Variants in B9D1 observed in about 807,000 individuals in gnomAD.
B9D1 encodes the protein B9 domain containing 1.
A neutral mutation model predicts 26.1 loss-of-function variants in B9D1; 20 were observed. That is an observed-to-expected ratio of 0.77 (90% CI 0.54 to 1.12). The LOEUF is 1.12. Ranked by LOEUF, B9D1 falls within the 50% of genes most tolerant of loss-of-function variation. B9D1 has a pLI of 0.00. For synonymous variants in B9D1, 105 were observed against 103.1 expected (o/e 1.02, Z -0.11); for missense variants, 260 against 273.7 (o/e 0.95, Z 0.35).
upstream of B9D1, chr17:19,362,767 A>C: frequency 2.8e-4 from 244 of 886,458 alleles, no homozygotes; most frequent in Non-Finnish European, 3.4e-4. Context: ...GCGGGGCACA[A>C]GGGGCGGGGA....
chr17:19,350,150 C>A (rs1909405979), intron 3 of B9D1, among the ~76,000 whole-genome samples: 1 of 151,992 alleles, frequency 6.6e-6, no homozygotes, highest in Admixed American at 6.6e-5. Flanking sequence ...GTGGCTCATG[C>A]CTGTAATCCC....
intron 1 of B9D1, among the ~76,000 whole-genome samples, chr17:19,374,045 G>A (rs1912004195): frequency 6.6e-6 from 1 of 152,232 alleles, no homozygotes; most frequent in South Asian, 2.1e-4. Context: ...AGCCAAGTGA[G>A]TGGAGTATCT....
At chr17:19,337,739 C>T, downstream of B9D1, 1 of 1,535,050 alleles carries the variant, frequency 6.5e-7, no homozygotes, top group Non-Finnish European at 8.7e-7. Context: ...ACAGACAGCC[C>T]TGAAGGTGGC....
intron 3 of B9D1, among the ~76,000 whole-genome samples, chr17:19,350,946 C>T (rs1305530098): frequency 6.6e-6 from 1 of 151,666 alleles, no homozygotes. Context: ...TCAAGCGATT[C>T]TCCTGCCTCA....
At chr17:19,341,947 C>T (rs1017990625), downstream of B9D1, among the ~76,000 whole-genome samples, 5 of 152,084 alleles carry the variant, frequency 3.3e-5, no homozygotes, top group African/African-American at 4.8e-5. Flanking sequence ...CACAGGGAAG[C>T]GCCACATGAG....
downstream of B9D1, chr17:19,335,263 T>A (rs1303169445): frequency 1.3e-6 from 1 of 763,836 alleles, no homozygotes; most frequent in East Asian, 2.8e-5. Flanking sequence ...ACTAAACTGA[T>A]TGACTTTCAG....
intron 1 of B9D1, among the ~76,000 whole-genome samples, chr17:19,376,355 G>A (rs958452831): frequency 2.0e-5 from 3 of 152,078 alleles, no homozygotes; most frequent in African/African-American, 7.2e-5. Flanking sequence ...TGGGAGGTGA[G>A]AGTTGGACAT....
intron 5 of B9D1, among the ~76,000 whole-genome samples, chr17:19,344,936 T>C (rs1908555281): frequency 6.6e-6 from 1 of 152,222 alleles, no homozygotes; most frequent in African/African-American, 2.4e-5. Context: ...GCGCCTCAGT[T>C]TCTCCTTTGG....
At chr17:19,350,602 TC>T (rs1222630947) in intron 3 of B9D1, among the ~76,000 whole-genome samples, 1 of 152,006 alleles carries the variant, frequency 6.6e-6, no homozygotes, top group East Asian at 1.9e-4. Context: ...ATGCCTGTAA[TC>T]CCAGCTACTT....
At chr17:19,356,156 A>C (rs1910323163) in intron 3 of B9D1, among the ~76,000 whole-genome samples, 1 of 151,924 alleles carries the variant, frequency 6.6e-6, no homozygotes, top group Non-Finnish European at 1.5e-5. Flanking sequence ...CAGTGGCATA[A>C]TCTCTGCTCA....
chr17:19,350,834 A>AT lies in B9D1; in HGVS notation c.245-2955dup, dbSNP rs904320690. Among the ~76,000 whole-genome samples the AT allele has an allele frequency of 3.3e-4, 48 of 144,022 alleles. No homozygotes were observed. The East Asian group carries it at 8.5e-3, about 26-fold the overall frequency. 94.5% of individuals were successfully genotyped at this position (144,022 alleles called of 152,430 possible). Reference sequence around the variant, plus strand: ...TTCTTCATTTATGGGGATGATCATGATTTTTTTTTTCTTTTTTTTTTTGAG... The same window carrying AT: ...TTCTTCATTTATGGGGATGATCATGATTTTTTTTTTTCTTTTTTTTTTTGAG... On this transcript the variant is annotated intron_variant, in intron 3 of 6. Transcript: ENST00000261499.
chr17:19,337,819 C>T (rs899908831), downstream of B9D1: 1 of 1,056,388 alleles, frequency 9.5e-7, no homozygotes. Context: ...GCCTCACTGC[C>T]ACTCACACCA....
At chr17:19,375,202 A>C (rs2152285978) in intron 1 of B9D1, among the ~76,000 whole-genome samples, 1 of 152,230 alleles carries the variant, frequency 6.6e-6, no homozygotes, top group South Asian at 2.1e-4. Flanking sequence ...AGGCAGGAGA[A>C]TCACTTGAGC....
At chr17:19,364,721 T>A (rs544983235), upstream of B9D1, 2 of 152,998 alleles carry the variant, frequency 1.3e-5, no homozygotes, top group Admixed American at 1.3e-4. This position sits in a 1 kb window ranked among gnomAD's most constrained non-coding sequence, Gnocchi z 4.3. Context: ...GTGCCAAGTC[T>A]CTCCACCCCC....
At chr17:19,362,763 C>A, upstream of B9D1, 45 of 1,315,536 alleles carry the variant, frequency 3.4e-5, no homozygotes, top group East Asian at 5.9e-5. Flanking sequence ...GGGGGCGGGG[C>A]ACAAGGGGCG....
At chr17:19,343,061 C>A, downstream of B9D1, 1 of 1,381,818 alleles carries the variant, frequency 7.2e-7, no homozygotes, top group South Asian at 1.6e-5. Flanking sequence ...GCTTCCACGG[C>A]ACAAGGGGTA....
chr17:19,355,026 C>T (rs6587067), intron 3 of B9D1, among the ~76,000 whole-genome samples: 146,088 of 152,158 alleles, frequency 0.96, 70,530 homozygotes, highest in African/African-American at 0.99. Context: ...TTGTCCTCTC[C>T]CCCTCCTTCC....
chr17:19,373,095 G>A (rs561788381), intron 1 of B9D1, among the ~76,000 whole-genome samples: 3 of 152,178 alleles, frequency 2.0e-5, no homozygotes, highest in South Asian at 2.1e-4. Context: ...CCTCCCCCAC[G>A]CTGAGCCTGT....
At chr17:19,375,458 A>AAAT (rs1346566855) in intron 1 of B9D1, among the ~76,000 whole-genome samples, 1 of 151,530 alleles carries the variant, frequency 6.6e-6, no homozygotes, top group South Asian at 2.1e-4. Context: ...TATAATTAAA[A>AAAT]AATAATAATA....
Sources: allele counts gnomAD v4.1 joint callset (sites outside exome capture counted in the v4.1 genomes callset), GRCh38; gene constraint gnomAD v4.1.1; non-coding constraint Gnocchi (gnomAD v3.1); transcripts MANE v1.5; gene names NCBI Gene and HGNC (gene_info 2026-07-23, HGNC 2026-07-21).